USP6NL: variants seen among roughly 807,000 people sequenced by gnomAD.
USP6NL encodes the protein USP6 N-terminal like.
In USP6NL, 26 loss-of-function variants were observed where a neutral mutation model predicts 61.9. That is an observed-to-expected ratio of 0.42 (90% confidence interval 0.31 to 0.58). The LOEUF (loss-of-function observed/expected upper bound fraction) is 0.58, where lower values mean the gene tolerates loss of function less well. Ranked by LOEUF, USP6NL falls within the 20% of genes least tolerant of loss-of-function variation. The probability of loss-of-function intolerance (pLI) is 0.16; values close to 1 mark genes in which losing one functional copy is unlikely to be tolerated. For missense variants in USP6NL, 1,114 were observed against 1,034.3 expected (o/e 1.08, Z -1.06); for synonymous variants, 432 against 390.1 (o/e 1.11, Z -1.27).
intron 2 of USP6NL, among the ~76,000 whole-genome samples, chr10:11,550,936 G>A (rs186718020): frequency 1.4e-3 from 220 of 152,088 alleles, no homozygotes; most frequent in Middle Eastern, 3.4e-3. Flanking sequence ...GAGATACCAC[G>A]ACTGAGGTAC....
rs752600082 is a variant in USP6NL, at chr10:11,461,041, AC to A, written c.*1399del. On this transcript the variant is annotated 3_prime_UTR_variant, in exon 15 of 15. Coordinates refer to ENST00000609104, the MANE Select transcript of USP6NL (RefSeq NM_014688.5). Reference sequence around the variant, plus strand: ...TCCATTTTAAAAGACATACTTTTGTACCTTGAAAGTTTAAAGCCCCACCTTG... The same window carrying A: ...TCCATTTTAAAAGACATACTTTTGTACTTGAAAGTTTAAAGCCCCACCTTG... 2.0e-5 allele frequency: 3 copies of A among 152,328 alleles called. No individual in the cohort carries two copies. Among genetic ancestry groups the A allele is most frequent in the Non-Finnish European group, 4.4e-5 (3 of 68,032 alleles). 9.4% of individuals were successfully genotyped at this position (152,328 alleles called of 1,614,324 possible). A position where few individuals can be genotyped will look rare whatever the true frequency, so the allele number is the denominator to read the frequency against.
At chr10:11,555,246 T>C (rs577117153) in intron 2 of USP6NL, among the ~76,000 whole-genome samples, 91 of 147,128 alleles carry the variant, frequency 6.2e-4, no homozygotes, top group African/African-American at 2.2e-3. Context: ...CAAAACCGCG[T>C]CTCTACTAAA....
intron 2 of USP6NL, among the ~76,000 whole-genome samples, chr10:11,577,991 TCTCA>T (rs1837615241): frequency 6.6e-6 from 1 of 151,958 alleles, no homozygotes; most frequent in Non-Finnish European, 1.5e-5. Flanking sequence ...TGAGACAGAG[TCTCA>T]CTCTGTCGTT....
At position 11,520,192 on chromosome 10, in the gene USP6NL, A is replaced by C. The variant is rs543665340; in HGVS notation, c.156-1618T>G. 6.6e-6 allele frequency among the ~76,000 whole-genome samples: 1 copy of C among 152,354 alleles called. No homozygotes were observed. Among genetic ancestry groups the C allele is most frequent in the Admixed American group, 6.5e-5 (1 of 15,300 alleles). ...TCTCAGATCATGCAGGAGTATATGA[A>C]GAAAAGGGACGGAGGCTGAGAAAAC... On this transcript the variant is annotated intron_variant, in intron 4 of 14. Transcript: ENST00000609104. This position sits in a 1 kb window ranked among gnomAD's most constrained non-coding sequence, Gnocchi z 5.2.
Position 11,485,869 on chromosome 10 carries a change from T to A in USP6NL, c.707A>T (p.Glu236Val), listed in dbSNP as rs1375729569. The A allele has an allele frequency of 2.6e-6, 4 of 1,555,962 alleles. No individual in the cohort carries two copies. The highest frequency in any genetic ancestry group is 1.4e-5 in the African/African-American group (1 of 73,670). ...TTTGTTCAGTATTTTTTCATGATGTTCTTGAAACCTCAAGAGTTTAGGAAA... is the reference window on the plus strand; with the variant it reads ...TTTGTTCAGTATTTTTTCATGATGTACTTGAAACCTCAAGAGTTTAGGAAA... ...QGFPKLLRFQ[E>V]HHEKILNKFL... Residue 236 changes from glutamate (E) to valine (V), a missense_variant, in exon 11 of 15, where the codon GAA (glutamate) becomes GTA (valine). By Grantham distance (121) the Glu-to-Val change is moderately radical (BLOSUM62 -2). Transcript: ENST00000609104. The surrounding 1 kb of genome is among the most constrained non-coding windows in gnomAD (Gnocchi z 4.8).
Position 11,585,168 on chromosome 10 carries a change from C to T in USP6NL, c.4+12463G>A, listed in dbSNP as rs188273665. Among the ~76,000 whole-genome samples the T allele has an allele frequency of 7.4e-4, 112 of 152,204 alleles. No homozygotes were observed. Among genetic ancestry groups the T allele is most frequent in the African/African-American group, 2.5e-3 (104 of 41,534 alleles). On this transcript the variant is annotated intron_variant, in intron 2 of 14. Transcript: ENST00000609104. This position sits in a 1 kb window ranked among gnomAD's most constrained non-coding sequence, Gnocchi z 4.5. Reference sequence around the variant, plus strand: ...GTTATCTTGTCTAACAAGGAAATAGCACCTCACTAGGATGGCTACTACCAA... The same window carrying T: ...GTTATCTTGTCTAACAAGGAAATAGTACCTCACTAGGATGGCTACTACCAA...
intron 2 of USP6NL, among the ~76,000 whole-genome samples, chr10:11,555,433 A>AAAAAAAT (rs1275798295): frequency 3.5e-4 from 17 of 49,020 alleles, no homozygotes; most frequent in Non-Finnish European, 4.4e-4. Context: ...AAAAAAAAAA[A>AAAAAAAT]ATATATATAT....
chr10:11,531,403 A>G (rs771847221), intron 2 of USP6NL, among the ~76,000 whole-genome samples: 1 of 151,912 alleles, frequency 6.6e-6, no homozygotes, highest in Non-Finnish European at 1.5e-5. Flanking sequence ...GCTCACTGCA[A>G]CCTCCACCTC....
At position 11,478,878 on chromosome 10, in the gene USP6NL, C is replaced by T. The variant is rs1833074683; in HGVS notation, c.1078+2892G>A. ...CCATGATTGAGCCATCACACTCCAG[C>T]CTAGGCAACAGAGTGAGACCCTGTC... On this transcript the variant is annotated intron_variant, in intron 14 of 14. Transcript: ENST00000609104. This position sits in a 1 kb window ranked among gnomAD's most constrained non-coding sequence, Gnocchi z 6.8. Among the ~76,000 whole-genome samples the T allele has an allele frequency of 6.6e-6, 1 of 151,622 alleles. No homozygotes were observed. The highest frequency in any genetic ancestry group is 1.5e-5 in the Non-Finnish European group (1 of 67,860).
rs1479983915 is a variant in USP6NL, at chr10:11,510,661, G to A, written c.196-986C>T. Among the ~76,000 whole-genome samples the A allele has an allele frequency of 1.3e-5, 2 of 152,156 alleles. No individual in the cohort carries two copies. The highest frequency in any genetic ancestry group is 1.9e-4 in the East Asian group (1 of 5,204). On this transcript the variant is annotated intron_variant, in intron 5 of 14. Transcript: ENST00000609104. This position sits in a 1 kb window ranked among gnomAD's most constrained non-coding sequence, Gnocchi z 4.8. ...TGAGTAGTAAGTATATGAATAAAAA[G>A]CAATGAAAATACAAGTCTACTCAGA...
chr10:11,522,853 G>C (rs540469015), intron 4 of USP6NL, among the ~76,000 whole-genome samples: 2 of 152,232 alleles, frequency 1.3e-5, no homozygotes, highest in Non-Finnish European at 1.5e-5. Flanking sequence ...GCAACAGGCA[G>C]CATACTGTAG....
chr10:11,471,330 G>A (rs1210723586), intron 14 of USP6NL, among the ~76,000 whole-genome samples: 1 of 152,186 alleles, frequency 6.6e-6, no homozygotes, highest in Non-Finnish European at 1.5e-5. Flanking sequence ...GAAACAACAG[G>A]TGCTGGAGAG....
At chr10:11,531,662 TTTG>T (rs1262052678) in intron 2 of USP6NL, among the ~76,000 whole-genome samples, 3 of 147,858 alleles carry the variant, frequency 2.0e-5, no homozygotes, top group Non-Finnish European at 4.5e-5. Context: ...CACCAGGATG[TTTG>T]TTTAAAAAAA....
chr10:11,541,230 C>CATATATAT lies in USP6NL; in HGVS notation c.5-13671_5-13664dup, dbSNP rs71378797. On this transcript the variant is annotated intron_variant, in intron 2 of 14. Coordinates refer to ENST00000609104, the MANE Select transcript of USP6NL (RefSeq NM_014688.5). ...TTTATATAACAAACATCAATAGTGCCATATATATATATATATATATATATA... is the reference window on the plus strand; with the variant it reads ...TTTATATAACAAACATCAATAGTGCCATATATATATATATATATATATATATATATATA... Among the ~76,000 whole-genome samples the CATATATAT allele has an allele frequency of 7.2e-3, 312 of 43,178 alleles. 9 individuals carry two copies. Among genetic ancestry groups the CATATATAT allele is most frequent in the Non-Finnish European group, 0.01 (223 of 22,270 alleles). 28.3% of individuals were successfully genotyped at this position (43,178 alleles called of 152,430 possible).
intron 2 of USP6NL, among the ~76,000 whole-genome samples, chr10:11,533,792 A>G (rs1172039468): frequency 6.6e-6 from 1 of 152,248 alleles, no homozygotes; most frequent in Non-Finnish European, 1.5e-5. Context: ...GCAGCATGAA[A>G]ACACAGGATT....
At chr10:11,467,775 A>G (rs1394607730) in intron 14 of USP6NL, among the ~76,000 whole-genome samples, 2 of 152,236 alleles carry the variant, frequency 1.3e-5, no homozygotes, top group South Asian at 2.1e-4. Flanking sequence ...TAGTTTTTAA[A>G]TGCTCTTAGA....
At chr10:11,479,192 T>C (rs929423198) in intron 14 of USP6NL, among the ~76,000 whole-genome samples, 1 of 152,068 alleles carries the variant, frequency 6.6e-6, no homozygotes, top group Non-Finnish European at 1.5e-5. Context: ...GGAAAATTCT[T>C]TACAAAAAAC....
chr10:11,602,441 A>C lies in USP6NL; in HGVS notation c.-83-4724T>G, dbSNP rs560956242. Reference sequence around the variant, plus strand: ...TAATGCATAATAAATCTTACTATTCATTCATTCAGTATTTACCGAGTAGCT... The same window carrying C: ...TAATGCATAATAAATCTTACTATTCCTTCATTCAGTATTTACCGAGTAGCT... On this transcript the variant is annotated intron_variant, in intron 1 of 14. Coordinates refer to ENST00000609104, the MANE Select transcript of USP6NL (RefSeq NM_014688.5). This position sits in a 1 kb window ranked among gnomAD's most constrained non-coding sequence, Gnocchi z 4.8. 2.4e-4 allele frequency among the ~76,000 whole-genome samples: 37 copies of C among 152,330 alleles called. No individual in the cohort carries two copies. Among genetic ancestry groups the C allele is most frequent in the African/African-American group, 8.7e-4 (36 of 41,578 alleles).
At chr10:11,483,176 C>T (rs61847860) in intron 13 of USP6NL, among the ~76,000 whole-genome samples, 4 of 152,080 alleles carry the variant, frequency 2.6e-5, no homozygotes, top group African/African-American at 9.6e-5. Context: ...GGAGACGGAA[C>T]TTCACGTAAG....
Sources: gnomAD v4.1 joint callset for allele counts (sites outside exome capture counted in the v4.1 genomes callset) on GRCh38, gnomAD v4.1.1 for gene constraint, Gnocchi (gnomAD v3.1) non-coding constraint, MANE v1.5 for transcripts, NCBI Gene and HGNC (gene_info 2026-07-23, HGNC 2026-07-21) for gene names.